The following SLC26A7 variants were observed in gnomAD, a reference collection of about 807,000 sequenced individuals.
SLC26A7 encodes anion exchange transporter.
SLC26A7 carries 59 observed loss-of-function variants against 82.5 expected under a neutral mutation model. The observed-to-expected ratio is 0.72, with a 90% CI of 0.58 to 0.89. The LOEUF is 0.89. SLC26A7 is among the 40% of genes least tolerant of loss of function. SLC26A7 has a pLI of 0.00. For synonymous variants in SLC26A7, 271 were observed against 274.3 expected (o/e 0.99, Z 0.12); for missense variants, 820 against 793.0 (o/e 1.03, Z -0.41).
At chr8:91,298,932 C>T (rs1409704708) in intron 4 of SLC26A7, among the ~76,000 whole-genome samples, 1 of 152,156 alleles carries the variant, frequency 6.6e-6, no homozygotes, top group Non-Finnish European at 1.5e-5. Flanking sequence ...GGGGTTGTGT[C>T]AGTTTACATT....
At chr8:91,339,372 A>C (rs971283058) in intron 7 of SLC26A7, among the ~76,000 whole-genome samples, 1 of 152,170 alleles carries the variant, frequency 6.6e-6, no homozygotes, top group African/African-American at 2.4e-5. Context: ...AATTATAACA[A>C]GAACATGGCT....
intron 2 of SLC26A7, among the ~76,000 whole-genome samples, chr8:91,238,853 C>T (rs145262650): frequency 1.4e-3 from 210 of 151,980 alleles, no homozygotes; most frequent in Non-Finnish European, 2.3e-3. Flanking sequence ...GGGTAGAAGA[C>T]GTTGGACGTA....
intron 2 of SLC26A7, among the ~76,000 whole-genome samples, chr8:91,256,856 C>T (rs1210174215): frequency 6.6e-6 from 1 of 152,052 alleles, no homozygotes; most frequent in African/African-American, 2.4e-5. Context: ...AAAATATGAG[C>T]TCTGAACATT....
intron 2 of SLC26A7, among the ~76,000 whole-genome samples, chr8:91,282,621 T>C (rs1203910081): frequency 6.6e-6 from 1 of 152,152 alleles, no homozygotes; most frequent in African/African-American, 2.4e-5. Flanking sequence ...CCCTGCCAAC[T>C]CTAACCTGAT....
At chr8:91,210,979 G>A (rs989244016) in intron 1 of SLC26A7, among the ~76,000 whole-genome samples, 1 of 152,070 alleles carries the variant, frequency 6.6e-6, no homozygotes, top group Non-Finnish European at 1.5e-5. Flanking sequence ...GAACTATTGA[G>A]AGCTAAAGAT....
At chr8:91,221,893 T>C (rs915928310) in intron 2 of SLC26A7, among the ~76,000 whole-genome samples, 1 of 152,168 alleles carries the variant, frequency 6.6e-6, no homozygotes, top group Non-Finnish European at 1.5e-5. Flanking sequence ...AATAGTTTTT[T>C]TTTATTTCTG....
At chr8:91,312,262 C>G (rs904099395) in intron 4 of SLC26A7, among the ~76,000 whole-genome samples, 1 of 152,200 alleles carries the variant, frequency 6.6e-6, no homozygotes, top group Admixed American at 6.6e-5. Context: ...AAGGCTCATC[C>G]ATGTTGTTAC....
intron 9 of SLC26A7, among the ~76,000 whole-genome samples, chr8:91,346,205 C>G (rs1475070437): frequency 6.6e-6 from 1 of 152,102 alleles, no homozygotes; most frequent in Non-Finnish European, 1.5e-5. Flanking sequence ...CTAATCTTTT[C>G]AACAACTTCC....
At chr8:91,345,586 A>G (rs1813540747) in intron 9 of SLC26A7, among the ~76,000 whole-genome samples, 1 of 152,248 alleles carries the variant, frequency 6.6e-6, no homozygotes, top group South Asian at 2.1e-4. Context: ...AAATATGTTT[A>G]GAACCTTATT....
chr8:91,318,431 CA>C, intron 5 of SLC26A7, 51 bp downstream of exon 5: 1 of 1,442,070 alleles, frequency 6.9e-7, no homozygotes, highest in South Asian at 1.4e-5. Context: ...GCAGGTTTCA[CA>C]AAGTAGAATT....
chr8:91,367,077 G>A (rs1033691243), intron 14 of SLC26A7, among the ~76,000 whole-genome samples: 3 of 151,350 alleles, frequency 2.0e-5, no homozygotes, highest in South Asian at 2.1e-4. Context: ...GTGCCATCTC[G>A]GCTCACTGCA....
intron 2 of SLC26A7, among the ~76,000 whole-genome samples, chr8:91,234,058 G>T (rs916592628): frequency 1.3e-5 from 2 of 152,162 alleles, no homozygotes; most frequent in African/African-American, 4.8e-5. Context: ...TTTAACACTG[G>T]TTTATGTGAA....
intron 4 of SLC26A7, among the ~76,000 whole-genome samples, chr8:91,303,393 A>G (rs34115889): frequency 0.049 from 7,450 of 152,250 alleles, 219 homozygotes; most frequent in Non-Finnish European, 0.058. Flanking sequence ...CCCAAGCTCT[A>G]CTTTTCTGAA....
chr8:91,361,792 T>C (rs887314300), intron 11 of SLC26A7, among the ~76,000 whole-genome samples: 10 of 152,262 alleles, frequency 6.6e-5, no homozygotes, highest in African/African-American at 1.9e-4. Context: ...GCTTTCATAA[T>C]GAATGGCCCC....
At chr8:91,231,775 ATGTGTGTATG>A (rs981692077) in intron 2 of SLC26A7, among the ~76,000 whole-genome samples, 5 of 151,900 alleles carry the variant, frequency 3.3e-5, no homozygotes, top group Non-Finnish European at 7.4e-5. Context: ...CTCTGTGTGT[ATGTGTGTATG>A]TGTGTGTATG....
intron 2 of SLC26A7, among the ~76,000 whole-genome samples, chr8:91,268,704 A>AT (rs1811182262): frequency 6.6e-6 from 1 of 151,518 alleles, no homozygotes; most frequent in African/African-American, 2.4e-5. Context: ...TACTACTGTC[A>AT]TTTTGTTTCT....
chr8:91,344,231 A>G, intron 9 of SLC26A7: 1 of 983,078 alleles, frequency 1.0e-6, no homozygotes, highest in Non-Finnish European at 1.2e-6. Context: ...CTCAGTTTCT[A>G]CATGAGAAAG....
At chr8:91,360,965 T>G (rs1814033644) in intron 11 of SLC26A7, among the ~76,000 whole-genome samples, 1 of 152,164 alleles carries the variant, frequency 6.6e-6, no homozygotes, top group Non-Finnish European at 1.5e-5. Flanking sequence ...CTCAAATGAC[T>G]GACTGTGTGT....
rs570837556 is a variant in SLC26A7, at chr8:91,323,394, A to G, written c.642+5014A>G. 2.6e-4 allele frequency among the ~76,000 whole-genome samples: 40 copies of G among 152,320 alleles called. No individual in the cohort carries two copies. In the East Asian group the frequency reaches 6.0e-3, roughly 23 times the overall value. On this transcript the variant is annotated intron_variant, in intron 5 of 18. Coordinates refer to ENST00000276609, the MANE Select transcript of SLC26A7 (RefSeq NM_052832.4). Reference sequence around the variant, plus strand: ...TTTGCAACTCAACCATCGTAGGCCAAACTCTCTCCATCCCTCACAATTCAC... The same window carrying G: ...TTTGCAACTCAACCATCGTAGGCCAGACTCTCTCCATCCCTCACAATTCAC...
Sources: gnomAD v4.1 joint callset for allele counts (sites outside exome capture counted in the v4.1 genomes callset) on GRCh38, gnomAD v4.1.1 for gene constraint, MANE v1.5 for transcripts, NCBI Gene and HGNC (gene_info 2026-07-23, HGNC 2026-07-21) for gene names.